Variants in CTXN3 observed in about 807,000 individuals in gnomAD.
The protein encoded by CTXN3 is cortexin 3, also known as cortexin-3.
In CTXN3, 4 loss-of-function variants were observed where a neutral mutation model predicts 5.0. That is an observed-to-expected ratio of 0.79 (90% CI 0.39 to 1.82). The LOEUF is 1.82. Among genes scored for constraint, CTXN3 ranks in the 40% most tolerant of loss-of-function variants. CTXN3 has a pLI of 0.04. For missense variants in CTXN3, 89 were observed against 99.7 expected (o/e 0.89, Z 0.46); for synonymous variants, 48 against 38.6 (o/e 1.24, Z -0.91).
intron 1 of CTXN3, among the ~76,000 whole-genome samples, chr5:127,650,326 C>T (rs2126739620): frequency 6.6e-6 from 1 of 152,282 alleles, no homozygotes; most frequent in South Asian, 2.1e-4. Flanking sequence ...TAGCTGAAGA[C>T]ATCCTCATGT....
intron 2 of CTXN3, among the ~76,000 whole-genome samples, chr5:127,655,381 T>A (rs1477800537): frequency 1.3e-5 from 2 of 152,200 alleles, no homozygotes; most frequent in East Asian, 3.8e-4. Flanking sequence ...AGAATGAGAT[T>A]CTGATAATCC....
rs1299453315 is a variant in CTXN3 at position 127,657,621 on chromosome 5, G to C, written c.100G>C (p.Val34Leu). 2 of 1,614,182 alleles carry C rather than the reference G, an allele frequency of 1.2e-6. No homozygotes were observed. The highest frequency in any genetic ancestry group is 2.2e-5 in the South Asian group (2 of 91,072). The change falls in exon 3 of 3, where the codon GTG (valine) becomes CTG (leucine). Residue 34 changes from valine (V) to leucine (L), a missense_variant. Val to Leu is a conservative substitution (Grantham distance 32). Coordinates refer to ENST00000379445, the MANE Select transcript of CTXN3 (RefSeq NM_001048252.3). ...SLEQKMTFVFVILLFIFLGIL... is the reference protein window; with the variant it reads ...SLEQKMTFVFLILLFIFLGIL... ...GGAGCAGAAAATGACATTTGTTTTT[G>C]TGATTCTGTTGTTTATTTTCTTGGG...
At chr5:127,650,621 T>G (rs1749765712) in intron 1 of CTXN3, among the ~76,000 whole-genome samples, 1 of 152,194 alleles carries the variant, frequency 6.6e-6, no homozygotes, top group African/African-American at 2.4e-5. Flanking sequence ...TTCTTTGAAT[T>G]TATATGAAAT....
chr5:127,652,838 C>T (rs550129756), intron 1 of CTXN3, among the ~76,000 whole-genome samples: 11 of 152,352 alleles, frequency 7.2e-5, no homozygotes, highest in Admixed American at 7.2e-4. Context: ...CTGATCAACA[C>T]ATTGGCCATT....
At chr5:127,650,726 GC>G (rs1749768172) in intron 1 of CTXN3, among the ~76,000 whole-genome samples, 1 of 152,194 alleles carries the variant, frequency 6.6e-6, no homozygotes, top group African/African-American at 2.4e-5. Context: ...AATAATATTT[GC>G]TTATGTGGTG....
At chr5:127,651,468 G>T (rs920844065) in intron 1 of CTXN3, among the ~76,000 whole-genome samples, 1 of 152,142 alleles carries the variant, frequency 6.6e-6, no homozygotes, top group African/African-American at 2.4e-5. Flanking sequence ...CCATCATTTG[G>T]CGTTGGGGTG....
chr5:127,651,341 G>A lies in CTXN3; in HGVS notation c.-207+1953G>A, dbSNP rs543927108. ...AAAAATTAGGTACTGCAATTATGTG[G>A]TTTAGGAATATTTAAAATACAGACA... On this transcript the variant is annotated intron_variant, in intron 1 of 2. Coordinates refer to ENST00000379445, the MANE Select transcript of CTXN3 (RefSeq NM_001048252.3). Among the ~76,000 whole-genome samples the A allele has an allele frequency of 7.9e-5, 12 of 152,128 alleles. No individual in the cohort carries two copies. The South Asian group carries it at 2.3e-3, about 29-fold the overall frequency.
At chr5:127,657,226 G>T (rs886789522) in intron 2 of CTXN3, among the ~76,000 whole-genome samples, 197 bp from the exon 3 acceptor site, 1 of 152,124 alleles carries the variant, frequency 6.6e-6, no homozygotes, top group Non-Finnish European at 1.5e-5. Context: ...GCCCCAGGTG[G>T]CTCTTCTGAG....
rs368858122 is a variant in CTXN3, at chr5:127,652,698, G to A, written c.-206-619G>A. Among the ~76,000 whole-genome samples, 102 of 152,228 alleles carry A rather than the reference G, an allele frequency of 6.7e-4. 2 individuals carry two copies. The South Asian group carries it at 0.019, about 29-fold the overall frequency. ...TCTCCACAGATGGAAAGAAGGAGAGGAGGCAAGTATTATGAGGTAGGAAAC... is the reference window on the plus strand; with the variant it reads ...TCTCCACAGATGGAAAGAAGGAGAGAAGGCAAGTATTATGAGGTAGGAAAC... On this transcript the variant is annotated intron_variant, in intron 1 of 2. Coordinates refer to ENST00000379445, the MANE Select transcript of CTXN3 (RefSeq NM_001048252.3).
chr5:127,655,839 A>T (rs1481085444), intron 2 of CTXN3, among the ~76,000 whole-genome samples: 3 of 152,236 alleles, frequency 2.0e-5, no homozygotes, highest in African/African-American at 4.8e-5. Context: ...TATAGCCTTT[A>T]AAAAAATTCA....
intron 1 of CTXN3, among the ~76,000 whole-genome samples, chr5:127,650,772 G>A (rs1749768891): frequency 6.6e-6 from 1 of 152,182 alleles, no homozygotes; most frequent in Admixed American, 6.5e-5. Flanking sequence ...GGCTTATACA[G>A]ATGACTCACA....
chr5:127,657,806 G>A lies in CTXN3; in HGVS notation c.*39G>A, dbSNP rs1289640015. On this transcript the variant is annotated 3_prime_UTR_variant, in exon 3 of 3. Coordinates refer to ENST00000379445, the MANE Select transcript of CTXN3 (RefSeq NM_001048252.3). Reference sequence around the variant, plus strand: ...GGATCTCCTCCTGAGGAGATGAAGTGCTTTGTGTCTTGGTGAGGATTCCCT... The same window carrying A: ...GGATCTCCTCCTGAGGAGATGAAGTACTTTGTGTCTTGGTGAGGATTCCCT... The A allele has an allele frequency of 1.2e-6, 2 of 1,609,602 alleles. No homozygotes were observed. Among genetic ancestry groups the A allele is most frequent in the African/African-American group, 1.3e-5 (1 of 74,690 alleles).
rs983625374 is a variant in CTXN3 at position 127,658,131 on chromosome 5, GT to G, written c.*365del. 1.5e-4 allele frequency: 36 copies of G among 238,264 alleles called. No individual in the cohort carries two copies. The highest frequency in any genetic ancestry group is 1.1e-3 in the South Asian group (15 of 14,278). The allele number at this position is 238,264 out of a possible 1,614,324, so 14.8% of individuals were successfully genotyped here. A position where few individuals can be genotyped will look rare whatever the true frequency, so the allele number is the denominator to read the frequency against. On this transcript the variant is annotated 3_prime_UTR_variant, in exon 3 of 3. Transcript: ENST00000379445. The stretch of plus-strand genomic sequence containing the variant: ...CTAGAAAGGATCTCATATGAATCTG[GT>G]GACAAGGCCAGGAAGAGATTTCCTT...
chr5:127,658,508 G>A lies in CTXN3; in HGVS notation c.*741G>A, dbSNP rs1261384365. The A allele has an allele frequency of 2.4e-5, 4 of 167,052 alleles. No homozygotes were observed. The highest frequency in any genetic ancestry group is 9.7e-5 in the African/African-American group (4 of 41,448). The allele number at this position is 167,052 out of a possible 1,614,324, so 10.3% of individuals were successfully genotyped here. The stretch of plus-strand genomic sequence containing the variant: ...AAATGATTTAAAAAATAGGTTGCAA[G>A]TGCAGCTTAAAGTTTTTTTTCAATG... On this transcript the variant is annotated 3_prime_UTR_variant, in exon 3 of 3. Transcript: ENST00000379445.
chr5:127,657,717 G>A lies in CTXN3; in HGVS notation c.196G>A (p.Asp66Asn). 2.5e-6 allele frequency: 4 copies of A among 1,614,210 alleles called. No homozygotes were observed. The highest frequency in any genetic ancestry group is 3.4e-6 in the Non-Finnish European group (4 of 1,180,034). The change falls in exon 3 of 3, where the codon GAT becomes AAT. Residue 66 changes from aspartate (D) to asparagine (N), a missense_variant. Asp to Asn is a conservative substitution (Grantham distance 23). Transcript: ENST00000379445. ...AAGCATGCCAACCTCTACCTGGGCT[G>A]ATGGACTTGAAGGCCTGGAGAAAGG... The part of the protein sequence containing the change: ...YRSMPTSTWA[D>N]GLEGLEKGQF...
In CTXN3 at chr5:127,657,864, C is replaced by G. The variant is rs545518034; in HGVS notation, c.*97C>G. On this transcript the variant is annotated 3_prime_UTR_variant, in exon 3 of 3. Transcript: ENST00000379445. ...GTGTTCTCAACAAATCAAATTTAAACAATATTTGGTCCCAGGACCATAATC... is the reference window on the plus strand; with the variant it reads ...GTGTTCTCAACAAATCAAATTTAAAGAATATTTGGTCCCAGGACCATAATC... The G allele has an allele frequency of 2.1e-6, 3 of 1,428,950 alleles. No homozygotes were observed. Among genetic ancestry groups the G allele is most frequent in the African/African-American group, 1.4e-5 (1 of 70,386 alleles). The allele number at this position is 1,428,950 out of a possible 1,614,324, so 88.5% of individuals were successfully genotyped here. A position where few individuals can be genotyped will look rare whatever the true frequency, so the allele number is the denominator to read the frequency against.
Position 127,649,387 on chromosome 5 carries a change from A to T in CTXN3, c.-208A>T, listed in dbSNP as rs565430127. 6.6e-6 allele frequency: 1 copy of T among 152,340 alleles called. No homozygotes were observed. Among genetic ancestry groups the T allele is most frequent in the South Asian group, 2.1e-4 (1 of 4,824 alleles). The allele number at this position is 152,340 out of a possible 1,614,324, so 9.4% of individuals were successfully genotyped here. A position where few individuals can be genotyped will look rare whatever the true frequency, so the allele number is the denominator to read the frequency against. On this transcript the variant is annotated splice_region_variant and 5_prime_UTR_variant, in exon 1 of 3. Transcript: ENST00000379445. ...ATCAAGTGTTTGTTCAGCCAGAGCC[A>T]GGTACTTGACCCAACCTGTATCTTT...
In CTXN3 at chr5:127,657,561, C is replaced by T; in HGVS notation, c.40C>T (p.Leu14Phe). 1 of 1,614,048 alleles carries T rather than the reference C, an allele frequency of 6.2e-7. No individual in the cohort carries two copies. Among genetic ancestry groups the T allele is most frequent in the Non-Finnish European group, 8.5e-7 (1 of 1,179,958 alleles). Reference sequence around the variant, plus strand: ...GCCCATCCCCTCATCCCTAGTGCCCCTTGGGAACGAATCAGCAGATTCTAG... The same window carrying T: ...GCCCATCCCCTCATCCCTAGTGCCCTTTGGGAACGAATCAGCAGATTCTAG... Reference protein sequence around the residue: ...GQPIPSSLVPLGNESADSSMS... With the variant: ...GQPIPSSLVPFGNESADSSMS... Residue 14 changes from leucine (L) to phenylalanine (F), a missense_variant, in exon 3 of 3, where the codon CTT becomes TTT. By Grantham distance (22) the Leu-to-Phe change is conservative. Coordinates refer to ENST00000379445, the MANE Select transcript of CTXN3 (RefSeq NM_001048252.3).
chr5:127,652,137 G>A (rs1749798726), intron 1 of CTXN3: 1 of 152,120 alleles, frequency 6.6e-6, no homozygotes, highest in South Asian at 2.1e-4. Context: ...TCAACACGGA[G>A]GCCAAGGAAA....
Sources: gnomAD v4.1 joint callset for allele counts (sites outside exome capture counted in the v4.1 genomes callset) on GRCh38, gnomAD v4.1.1 for gene constraint, MANE v1.5 for transcripts, NCBI Gene and HGNC (gene_info 2026-07-23, HGNC 2026-07-21) for gene names.